CCDC112: variants seen among roughly 807,000 people sequenced by gnomAD.
The protein encoded by CCDC112 is coiled-coil domain containing 112.
A neutral mutation model predicts 66.3 loss-of-function variants in CCDC112; 40 were observed. The ratio of observed to expected loss-of-function variants is 0.60; its 90% CI spans 0.47 to 0.79. The LOEUF (loss-of-function observed/expected upper bound fraction) is 0.79, where lower values mean the gene tolerates loss of function less well. CCDC112 is among the 30% of genes least tolerant of loss of function. The probability of loss-of-function intolerance (pLI) is 0.00; values close to 1 mark genes in which losing one functional copy is unlikely to be tolerated. For synonymous variants in CCDC112, 214 were observed against 197.2 expected (o/e 1.09, Z -0.71); for missense variants, 659 against 603.8 (o/e 1.09, Z -0.96).
intron 1 of CCDC112, among the ~76,000 whole-genome samples, chr5:115,290,341 T>C (rs996107875): frequency 6.6e-6 from 1 of 152,232 alleles, no homozygotes; most frequent in African/African-American, 2.4e-5. Flanking sequence ...GTCTATTGTC[T>C]ATCCCTATGC....
At chr5:115,277,383 C>T (rs1165063062) in intron 3 of CCDC112, among the ~76,000 whole-genome samples, 1 of 151,882 alleles carries the variant, frequency 6.6e-6, no homozygotes, top group African/African-American at 2.4e-5. Flanking sequence ...AGTTTTTGTT[C>T]TTTAATAGTG....
At chr5:115,278,031 G>A (rs183958604) in intron 3 of CCDC112, among the ~76,000 whole-genome samples, 12 of 152,088 alleles carry the variant, frequency 7.9e-5, no homozygotes, top group East Asian at 1.9e-4. Context: ...CTCTTAATAC[G>A]TATATGACAA....
chr5:115,281,768 C>T (rs1267145592), intron 2 of CCDC112, among the ~76,000 whole-genome samples: 7 of 152,102 alleles, frequency 4.6e-5, no homozygotes, highest in Admixed American at 1.3e-4. Context: ...AAAATGAAAA[C>T]AACCTCCTCA....
At chr5:115,291,934 C>T (rs1749948130) in intron 1 of CCDC112, among the ~76,000 whole-genome samples, 2 of 152,002 alleles carry the variant, frequency 1.3e-5, no homozygotes, top group African/African-American at 4.8e-5. Context: ...GACTTTTTGT[C>T]CATATTTATT....
intron 1 of CCDC112, among the ~76,000 whole-genome samples, chr5:115,294,327 G>C (rs976692660): frequency 2.6e-5 from 4 of 152,136 alleles, no homozygotes; most frequent in Admixed American, 2.6e-4. Flanking sequence ...AGGTCATTAA[G>C]GTGGGGACCT....
chr5:115,269,884 A>T (rs1748929479), intron 7 of CCDC112, 86 bp from the exon 8 acceptor site: 17 of 735,320 alleles, frequency 2.3e-5, no homozygotes, highest in Non-Finnish European at 3.7e-5. Flanking sequence ...AAATTAAATT[A>T]CCTTACCTAT....
chr5:115,296,410 G>A lies in CCDC112; in HGVS notation c.117+17C>T. 6.4e-7 allele frequency: 1 copy of A among 1,565,480 alleles called. No individual in the cohort carries two copies. The highest frequency in any genetic ancestry group is 8.6e-7 in the Non-Finnish European group (1 of 1,164,876). ...CTCGCCTGCCGCCAGAGCAGCTCTC[G>A]GTTCTCCCGGATTTACCTGTTGAGG... On this transcript the variant is annotated intron_variant, in intron 1 of 9. Coordinates refer to ENST00000379611, the MANE Select transcript of CCDC112 (RefSeq NM_001040440.3).
intron 8 of CCDC112, among the ~76,000 whole-genome samples, chr5:115,269,245 T>TA (rs1233111257): frequency 6.6e-6 from 1 of 152,232 alleles, no homozygotes; most frequent in Non-Finnish European, 1.5e-5. Context: ...CCTATTTTTC[T>TA]ATTTCTATTA....
At chr5:115,295,875 G>A (rs1750131887) in intron 1 of CCDC112, 3 of 985,044 alleles carry the variant, frequency 3.0e-6, no homozygotes, top group African/African-American at 1.7e-5. Flanking sequence ...ATCATGGAAA[G>A]TCTCGCTGAG....
intron 1 of CCDC112, among the ~76,000 whole-genome samples, chr5:115,293,188 A>G (rs1750008643): frequency 6.6e-6 from 1 of 152,198 alleles, no homozygotes. Context: ...GAGGGCAAGG[A>G]AGGAAATAGG....
chr5:115,296,648 C>G lies in CCDC112; in HGVS notation c.-105G>C. 1 of 1,173,788 alleles carries G rather than the reference C, an allele frequency of 8.5e-7. No individual in the cohort carries two copies. Among genetic ancestry groups the G allele is most frequent in the Non-Finnish European group, 1.1e-6 (1 of 931,436 alleles). 72.7% of individuals were successfully genotyped at this position (1,173,788 alleles called of 1,614,324 possible). ...ACAGCTCCCTGCGCTGCGGGCTTGGCCGGGATGCAGGGCGGGGCCGAGATG... is the reference window on the plus strand; with the variant it reads ...ACAGCTCCCTGCGCTGCGGGCTTGGGCGGGATGCAGGGCGGGGCCGAGATG... On this transcript the variant is annotated 5_prime_UTR_variant, in exon 1 of 10. Coordinates refer to ENST00000379611, the MANE Select transcript of CCDC112 (RefSeq NM_001040440.3).
At chr5:115,278,195 T>C (rs1439748007) in intron 3 of CCDC112, among the ~76,000 whole-genome samples, 2 of 152,192 alleles carry the variant, frequency 1.3e-5, no homozygotes, top group Admixed American at 1.3e-4. Flanking sequence ...TGCTTCATTT[T>C]AGCCTTAGTT....
chr5:115,293,584 C>T (rs1750026258), intron 1 of CCDC112, among the ~76,000 whole-genome samples: 3 of 152,086 alleles, frequency 2.0e-5, no homozygotes, highest in Non-Finnish European at 4.4e-5. Context: ...GGCTAATGGC[C>T]CCTTCCTCAC....
chr5:115,282,820 C>A (rs1297382075), intron 2 of CCDC112, among the ~76,000 whole-genome samples: 1 of 151,822 alleles, frequency 6.6e-6, no homozygotes, highest in South Asian at 2.1e-4. Flanking sequence ...AAATATATTA[C>A]CTATTTTAAA....
chr5:115,294,462 G>A (rs1370578681), intron 1 of CCDC112, among the ~76,000 whole-genome samples: 1 of 152,190 alleles, frequency 6.6e-6, no homozygotes, highest in Non-Finnish European at 1.5e-5. Context: ...CAGGAAAAGA[G>A]GCCTCACCAG....
chr5:115,269,812 ACCC>A lies in CCDC112; in HGVS notation c.1333-17_1333-15del. On this transcript the variant is annotated splice_polypyrimidine_tract_variant and intron_variant, in intron 7 of 9. Coordinates refer to ENST00000379611, the MANE Select transcript of CCDC112 (RefSeq NM_001040440.3). The stretch of plus-strand genomic sequence containing the variant: ...TTTATGTAAATCCTTAAAAAAAAAA[ACCC>A]ATAGCATTAAGAAAGCATGTGAACT... 4.1e-6 allele frequency: 6 copies of A among 1,460,100 alleles called. No individual in the cohort carries two copies. The highest frequency in any genetic ancestry group is 1.4e-5 in the African/African-American group (1 of 70,050). 90.4% of individuals were successfully genotyped at this position (1,460,100 alleles called of 1,614,324 possible). A position where few individuals can be genotyped will look rare whatever the true frequency, so the allele number is the denominator to read the frequency against.
chr5:115,295,823 C>T (rs1462862272), intron 1 of CCDC112: 5 of 880,380 alleles, frequency 5.7e-6, no homozygotes, highest in Non-Finnish European at 6.8e-6. Flanking sequence ...AAACCAGAAA[C>T]AGGGACTGGG....
Position 115,269,801 on chromosome 5 carries a change from T to TAAAA in CCDC112, c.1333-7_1333-4dup. On this transcript the variant is annotated splice_polypyrimidine_tract_variant and splice_region_variant and intron_variant, in intron 7 of 9. Coordinates refer to ENST00000379611, the MANE Select transcript of CCDC112 (RefSeq NM_001040440.3). ...TTCAGTTCAAGTTTATGTAAATCCT[T>TAAAA]AAAAAAAAAAACCCATAGCATTAAG... 7.9e-7 allele frequency: 1 copy of TAAAA among 1,270,720 alleles called. No individual in the cohort carries two copies. Among genetic ancestry groups the TAAAA allele is most frequent in the South Asian group, 1.5e-5 (1 of 64,804 alleles). The allele number at this position is 1,270,720 out of a possible 1,614,324, so 78.7% of individuals were successfully genotyped here. A position where few individuals can be genotyped will look rare whatever the true frequency, so the allele number is the denominator to read the frequency against.
At chr5:115,290,341 T>G (rs996107875) in intron 1 of CCDC112, among the ~76,000 whole-genome samples, 2 of 152,232 alleles carry the variant, frequency 1.3e-5, no homozygotes, top group African/African-American at 2.4e-5. Flanking sequence ...GTCTATTGTC[T>G]ATCCCTATGC....
Sources: gnomAD v4.1 joint callset for allele counts (sites outside exome capture counted in the v4.1 genomes callset) on GRCh38, gnomAD v4.1.1 for gene constraint, MANE v1.5 for transcripts, NCBI Gene and HGNC (gene_info 2026-07-23, HGNC 2026-07-21) for gene names.